The following EVC variants were observed in gnomAD, a reference collection of about 807,000 sequenced individuals.
EVC encodes the protein evC complex member EVC.
Under a neutral mutation model 118.9 loss-of-function variants are expected in EVC, and 116 were observed. The observed-to-expected ratio is 0.98, with a 90% CI of 0.84 to 1.14. The LOEUF is 1.14. Ranked by LOEUF, EVC falls within the 50% of genes most tolerant of loss-of-function variation. The probability of loss-of-function intolerance (pLI) is 0.00; values close to 1 mark genes in which losing one functional copy is unlikely to be tolerated. For missense variants in EVC, 1,401 were observed against 1,246.4 expected, an observed-to-expected ratio of 1.12 and a Z score of -1.87; for synonymous variants, 619 against 534.7, an observed-to-expected ratio of 1.16 and a Z score of -2.18.
At chr4:5,775,162 A>C (rs11942100) in intron 11 of EVC, among the ~76,000 whole-genome samples, 2,765 of 152,258 alleles carry the variant, frequency 0.018, 97 homozygotes, top group African/African-American at 0.061. Flanking sequence ...TCAACTTAAA[A>C]ATCTGTCTCC....
chr4:5,783,680 C>G lies in EVC; in HGVS notation c.1692C>G (p.Asn564Lys), dbSNP rs138242443. 1 of 1,614,012 alleles carries G rather than the reference C, an allele frequency of 6.2e-7. No homozygotes were observed. Among genetic ancestry groups the G allele is most frequent in the African/African-American group, 1.3e-5 (1 of 75,036 alleles). Residue 564 changes from asparagine (N) to lysine (K), a missense_variant, in exon 12 of 21, where the codon AAC becomes AAG. Transcript: ENST00000264956. Reference protein sequence around the residue: ...CDYLRQEVQENAAWQLGKSNR... With the variant: ...CDYLRQEVQEKAAWQLGKSNR... ...ACTTGAGGCAGGAAGTCCAGGAGAACGCTGCCTGGCAGCTGGGGAAGTCAA... is the reference window on the plus strand; with the variant it reads ...ACTTGAGGCAGGAAGTCCAGGAGAAGGCTGCCTGGCAGCTGGGGAAGTCAA...
intron 2 of EVC, among the ~76,000 whole-genome samples, chr4:5,723,901 A>G (rs1421531289): frequency 6.6e-6 from 1 of 152,172 alleles, no homozygotes; most frequent in Non-Finnish European, 1.5e-5. Flanking sequence ...GTTCACTGAC[A>G]AAACTCCAAG....
rs912360042 is a variant in EVC at position 5,798,926 on chromosome 4, C to G, written c.2304+134C>G. ...TAGACTTTGCCTGACTTCTCCATGA[C>G]TTGATTTTCTCATCTGTAAGGTGGG... On this transcript the variant is annotated intron_variant, in intron 15 of 20. Coordinates refer to ENST00000264956, the MANE Select transcript of EVC (RefSeq NM_153717.3). This position sits in a 1 kb window ranked among gnomAD's most constrained non-coding sequence, Gnocchi z 4.1. The G allele has an allele frequency of 2.1e-6, 2 of 963,536 alleles. No homozygotes were observed. Among genetic ancestry groups the G allele is most frequent in the Non-Finnish European group, 3.3e-6 (2 of 613,084 alleles). 59.7% of individuals were successfully genotyped at this position (963,536 alleles called of 1,614,324 possible).
In EVC at chr4:5,789,139, C is replaced by G. The variant is rs553668843; in HGVS notation, c.1777-4469C>G. ...TGGAAATAATTGGGCATCTTACAGT[C>G]GTCAGCACAATAGATTTGATAGGGA... is the stretch of plus-strand genomic sequence containing the variant. On this transcript the variant is annotated intron_variant, in intron 12 of 20. Coordinates refer to ENST00000264956, the MANE Select transcript of EVC (RefSeq NM_153717.3). The surrounding 1 kb of genome is among the most constrained non-coding windows in gnomAD (Gnocchi z 4.3). 6.6e-6 allele frequency among the ~76,000 whole-genome samples: 1 copy of G among 152,294 alleles called. No homozygotes were observed. Among genetic ancestry groups the G allele is most frequent in the South Asian group, 2.1e-4 (1 of 4,826 alleles).
At chr4:5,809,799 A>T (rs938580716) in intron 19 of EVC, among the ~76,000 whole-genome samples, 188 bp downstream of exon 19, 18 of 152,024 alleles carry the variant, frequency 1.2e-4, no homozygotes, top group African/African-American at 3.9e-4. Flanking sequence ...CTTGCTCTCT[A>T]GCATTTGATA....
the EVC span, chr4:5,824,205 T>G: frequency 6.6e-6 from 5 of 758,546 alleles, no homozygotes; most frequent in African/African-American, 1.9e-5. Context: ...GCAAACTCCT[T>G]GAGAGCTTGT....
chr4:5,827,596 C>T, the EVC span, among the ~76,000 whole-genome samples: 31 of 152,200 alleles, frequency 2.0e-4, no homozygotes, highest in African/African-American at 7.5e-4. Context: ...ACAGAGCTCA[C>T]CACATGCTCG....
Position 5,745,259 on chromosome 4 carries a change from C to T in EVC, c.857C>T (p.Ser286Leu), listed in dbSNP as rs139263450. 66 of 1,613,664 alleles carry T rather than the reference C, an allele frequency of 4.1e-5. No individual in the cohort carries two copies. Among genetic ancestry groups the T allele is most frequent in the African/African-American group, 6.7e-5 (5 of 74,822 alleles). ...GTCAAACTGTCAAACACAGAAATGT[C>T]GGGGGCTGGTGACTCTGAGTACATC... ...LQVKLSNTEM[S>L]GAGDSEYITL... The change falls in exon 7 of 21, where the codon TCG becomes TTG. Residue 286 changes from serine to leucine, a missense_variant. By Grantham distance (145) the Ser-to-Leu change is moderately radical. Transcript: ENST00000264956.
intron 12 of EVC, among the ~76,000 whole-genome samples, chr4:5,790,827 C>T (rs1251308296): frequency 1.3e-5 from 2 of 152,148 alleles, no homozygotes; most frequent in Non-Finnish European, 2.9e-5. Context: ...GGAGTGGTAG[C>T]TCATGCCTGT....
rs797003633 is a variant in EVC, at chr4:5,760,075, AG to A, written c.1563+3715del. Among the ~76,000 whole-genome samples, 6 of 152,184 alleles carry A rather than the reference AG, an allele frequency of 3.9e-5. 1 individual carries two copies. The highest frequency in any genetic ancestry group is 1.4e-4 in the African/African-American group (6 of 41,440). On this transcript the variant is annotated intron_variant, in intron 11 of 20. Transcript: ENST00000264956. ...AGTTTCTGATTATCCTTTCCAAAGG[AG>A]GCAATCAGATCTGCATTTATCTCAA...
At chr4:5,820,082 A>C in the EVC span, among the ~76,000 whole-genome samples, 1 of 151,886 alleles carries the variant, frequency 6.6e-6, no homozygotes, top group Non-Finnish European at 1.5e-5. Flanking sequence ...TGGTTCCATC[A>C]CTTCCTAAGT....
Position 5,746,309 on chromosome 4 carries a change from A to G in EVC, c.939+968A>G, listed in dbSNP as rs1577410499. Among the ~76,000 whole-genome samples the G allele has an allele frequency of 6.6e-6, 1 of 152,190 alleles. No homozygotes were observed. Among genetic ancestry groups the G allele is most frequent in the East Asian group, 1.9e-4 (1 of 5,194 alleles). Reference sequence around the variant, plus strand: ...GAGCTACTGGGCTAATCCAGCAGGAACTTTATTAAGGCAACTGCAGTAGGA... The same window carrying G: ...GAGCTACTGGGCTAATCCAGCAGGAGCTTTATTAAGGCAACTGCAGTAGGA... On this transcript the variant is annotated intron_variant, in intron 7 of 20. Coordinates refer to ENST00000264956, the MANE Select transcript of EVC (RefSeq NM_153717.3). The surrounding 1 kb of genome is among the most constrained non-coding windows in gnomAD (Gnocchi z 5.8).
rs1729936694 is a variant in EVC at position 5,749,019 on chromosome 4, G to A, written c.1098+713G>A. Among the ~76,000 whole-genome samples the A allele has an allele frequency of 2.0e-5, 3 of 152,058 alleles. No individual in the cohort carries two copies. Among genetic ancestry groups the A allele is most frequent in the South Asian group, 2.1e-4 (1 of 4,814 alleles). ...GGGGTTTTTAGAGCTCCCCAATGAC[G>A]ATGGTGGGAGCTGGGGTTGACGCCC... is the stretch of plus-strand genomic sequence containing the variant. On this transcript the variant is annotated intron_variant, in intron 8 of 20. Coordinates refer to ENST00000264956, the MANE Select transcript of EVC (RefSeq NM_153717.3). This position sits in a 1 kb window ranked among gnomAD's most constrained non-coding sequence, Gnocchi z 4.4.
intron 11 of EVC, 21 bp from the exon 12 acceptor site, chr4:5,783,531 A>T: frequency 6.2e-7 from 1 of 1,613,574 alleles, no homozygotes; most frequent in Admixed American, 1.7e-5. Flanking sequence ...CTGTAACCCC[A>T]TCTGTGGTTC....
rs575488876 is a variant in EVC at position 5,811,300 on chromosome 4, T to C, written c.*263T>C. 9.0e-4 allele frequency: 410 copies of C among 456,102 alleles called. No homozygotes were observed. The highest frequency in any genetic ancestry group is 1.4e-3 in the Non-Finnish European group (340 of 246,824). 28.3% of individuals were successfully genotyped at this position (456,102 alleles called of 1,614,324 possible). ...CTTGGAGCCCTGGCTCGATGCCTCA[T>C]GGATCTTTCTCCCCAAGGAGGGACG... is the stretch of plus-strand genomic sequence containing the variant. On this transcript the variant is annotated 3_prime_UTR_variant, in exon 21 of 21. Transcript: ENST00000264956.
chr4:5,805,479 G>A (rs1044301536), intron 17 of EVC, among the ~76,000 whole-genome samples: 14 of 152,286 alleles, frequency 9.2e-5, no homozygotes, highest in South Asian at 2.1e-4. Flanking sequence ...TGCACAGACC[G>A]AACTTGCCCT....
rs1375170506 is a variant in EVC, at chr4:5,719,767, C to T, written c.300+394C>T. Among the ~76,000 whole-genome samples, 3 of 152,148 alleles carry T rather than the reference C, an allele frequency of 2.0e-5. No homozygotes were observed. The highest frequency in any genetic ancestry group is 6.5e-5 in the Admixed American group (1 of 15,284). On this transcript the variant is annotated intron_variant, in intron 2 of 20. Transcript: ENST00000264956. The surrounding 1 kb of genome is among the most constrained non-coding windows in gnomAD (Gnocchi z 4.7). ...GTGCCTGTGTTCCCTCCACAGAATG[C>T]CTTAAGATGTTTCCCTTTCGTTGTG...
rs1229956540 is a variant in EVC, at chr4:5,731,271, G to A, written c.385-154G>A. Among the ~76,000 whole-genome samples the A allele has an allele frequency of 1.3e-5, 2 of 151,952 alleles. No homozygotes were observed. Among genetic ancestry groups the A allele is most frequent in the Non-Finnish European group, 2.9e-5 (2 of 67,990 alleles). On this transcript the variant is annotated intron_variant, in intron 3 of 20. Coordinates refer to ENST00000264956, the MANE Select transcript of EVC (RefSeq NM_153717.3). The surrounding 1 kb of genome is among the most constrained non-coding windows in gnomAD (Gnocchi z 5.6). ...CTGTCGATGTGGCAGAACCTGGGAC[G>A]GAAACTCTGTGGTGTCTGCTGGCAC...
chr4:5,727,101 T>C (rs999992324), intron 2 of EVC, among the ~76,000 whole-genome samples: 31 of 152,170 alleles, frequency 2.0e-4, no homozygotes, highest in Non-Finnish European at 1.0e-4. Flanking sequence ...ATGGGGTGGC[T>C]GGGTCAAATG....
Sources: allele counts gnomAD v4.1 joint callset (sites outside exome capture counted in the v4.1 genomes callset), GRCh38; gene constraint gnomAD v4.1.1; non-coding constraint Gnocchi (gnomAD v3.1); transcripts MANE v1.5; gene names NCBI Gene and HGNC (gene_info 2026-07-23, HGNC 2026-07-21).